FGD6: variants seen among roughly 807,000 people sequenced by gnomAD.
FGD6 encodes FYVE, RhoGEF and PH domain-containing protein 6.
FGD6 carries 90 observed loss-of-function variants against 149.4 expected under a neutral mutation model. That is an observed-to-expected ratio of 0.60 (90% CI 0.51 to 0.72). The LOEUF is 0.72. FGD6 is among the 30% of genes least tolerant of loss of function. The probability of loss-of-function intolerance (pLI) is 0.00; values close to 1 mark genes in which losing one functional copy is unlikely to be tolerated. For synonymous variants in FGD6, 527 were observed against 584.0 expected (o/e 0.90, Z 1.41); for missense variants, 1,437 against 1,684.8 (o/e 0.85, Z 2.57).
At chr12:95,104,689 C>T (rs949926892) in intron 14 of FGD6, among the ~76,000 whole-genome samples, 2 of 152,066 alleles carry the variant, frequency 1.3e-5, no homozygotes, top group Non-Finnish European at 2.9e-5. Context: ...GTGATCTGCC[C>T]AGCTCAGCCT....
rs558099155 is a variant in FGD6 at position 95,107,455 on chromosome 12, G to A, written c.3333+108C>T. The stretch of plus-strand genomic sequence containing the variant: ...GGTACGGCCAGTTCAAGAAGCTGGT[G>A]AGGCTGATATTTGAAGGTGCTAAGC... On this transcript the variant is annotated intron_variant, in intron 12 of 20. Transcript: ENST00000343958. 1.4e-5 allele frequency: 14 copies of A among 994,494 alleles called. No homozygotes were observed. In the African/African-American group the frequency reaches 1.5e-4, roughly 10 times the overall value. The allele number at this position is 994,494 out of a possible 1,614,324, so 61.6% of individuals were successfully genotyped here. A position where few individuals can be genotyped will look rare whatever the true frequency, so the allele number is the denominator to read the frequency against.
intron 8 of FGD6, among the ~76,000 whole-genome samples, chr12:95,114,865 C>G (rs1004700066): frequency 6.6e-6 from 1 of 152,070 alleles, no homozygotes; most frequent in African/African-American, 2.4e-5. Context: ...CTAAAATGGG[C>G]CCTTTGTTCT....
intron 3 of FGD6, among the ~76,000 whole-genome samples, chr12:95,153,653 C>T (rs751129228): frequency 3.3e-5 from 5 of 152,072 alleles, no homozygotes; most frequent in Non-Finnish European, 4.4e-5. Context: ...AAGGGTGAAA[C>T]TCTGTCTCAA....
chr12:95,140,614 T>C (rs566507725), intron 6 of FGD6, among the ~76,000 whole-genome samples: 2 of 151,762 alleles, frequency 1.3e-5, no homozygotes, highest in Non-Finnish European at 2.9e-5. Flanking sequence ...TGAAACTCCA[T>C]CTCAAAAGAA....
At chr12:95,164,310 C>T (rs1022471253) in intron 3 of FGD6, among the ~76,000 whole-genome samples, 2 of 149,312 alleles carry the variant, frequency 1.3e-5, no homozygotes, top group South Asian at 2.1e-4. Flanking sequence ...GGCACGATCT[C>T]GGCTCACGGC....
intron 3 of FGD6, among the ~76,000 whole-genome samples, chr12:95,158,377 G>A (rs991884908): frequency 2.2e-4 from 33 of 148,092 alleles, no homozygotes; most frequent in Admixed American, 2.0e-4. Context: ...GGGTTTCACC[G>A]TGTTAGCCAG....
chr12:95,137,495 T>C (rs1306955998), intron 7 of FGD6, 27 bp downstream of exon 7: 5 of 1,461,846 alleles, frequency 3.4e-6, no homozygotes, highest in South Asian at 1.6e-5. Flanking sequence ...GAAAGAGAAG[T>C]GTTCAACATT....
chr12:95,136,077 T>C (rs6538603), intron 7 of FGD6, among the ~76,000 whole-genome samples: 133,518 of 151,998 alleles, frequency 0.88, 59,003 homozygotes, highest in African/African-American at 0.97. Flanking sequence ...CTTTTCATTT[T>C]GGTTGGGTGA....
chr12:95,191,646 C>A (rs540224789), intron 2 of FGD6, among the ~76,000 whole-genome samples: 1 of 152,222 alleles, frequency 6.6e-6, no homozygotes, highest in Middle Eastern at 3.4e-3. Context: ...GGTTTCAGGA[C>A]CCCCCACAGA....
intron 5 of FGD6, 69 bp downstream of exon 5, chr12:95,152,742 C>T: frequency 7.0e-7 from 1 of 1,426,164 alleles, no homozygotes; most frequent in Non-Finnish European, 9.7e-7. Context: ...ATGCTGAAAA[C>T]TTCTAGGGGT....
chr12:95,170,460 A>G (rs1565914867), intron 3 of FGD6, among the ~76,000 whole-genome samples: 1 of 151,822 alleles, frequency 6.6e-6, no homozygotes, highest in Non-Finnish European at 1.5e-5. Flanking sequence ...TGGCCAACAT[A>G]GTGAAACCCC....
intron 2 of FGD6, among the ~76,000 whole-genome samples, chr12:95,183,379 G>A (rs1191299480): frequency 6.6e-6 from 1 of 152,186 alleles, no homozygotes; most frequent in African/African-American, 2.4e-5. Context: ...TTGTTCCTGA[G>A]TACAGGCCTG....
At chr12:95,094,039 A>G (rs1350782506) in intron 15 of FGD6, among the ~76,000 whole-genome samples, 2 of 143,020 alleles carry the variant, frequency 1.4e-5, no homozygotes, top group Admixed American at 1.4e-4. Flanking sequence ...CATGCCTGTA[A>G]TCCCAGCTGC....
At chr12:95,208,406 A>C (rs960001915) in intron 2 of FGD6, among the ~76,000 whole-genome samples, 7 of 152,218 alleles carry the variant, frequency 4.6e-5, no homozygotes, top group Non-Finnish European at 8.8e-5. Flanking sequence ...ACTTCTAAAA[A>C]TGTGGAGGTT....
At position 95,210,087 on chromosome 12, in the gene FGD6, A is replaced by C; in HGVS notation, c.1197T>G (p.Asn399Lys). ...TTTCATTACACATGGCTTTCTGTGA[A>C]TTGACTAAGTCCTGTGCATCACTGT... ...ESNSDAQDLVNSQKAMCNETT... is the reference protein window; with the variant it reads ...ESNSDAQDLVKSQKAMCNETT... The change falls in exon 2 of 21, where the codon AAT (asparagine) becomes AAG (lysine). Residue 399 changes from asparagine (N) to lysine (K), a missense_variant. Coordinates refer to ENST00000343958, the MANE Select transcript of FGD6 (RefSeq NM_018351.4). 3 of 1,614,160 alleles carry C rather than the reference A, an allele frequency of 1.9e-6. No individual in the cohort carries two copies. Among genetic ancestry groups the C allele is most frequent in the South Asian group, 2.2e-5 (2 of 91,056 alleles).
rs1177635017 is a variant in FGD6, at chr12:95,153,942, TGTGTGA to T, written c.2587-955_2587-950del. Among the ~76,000 whole-genome samples the T allele has an allele frequency of 8.4e-4, 111 of 131,904 alleles. 2 individuals carry two copies. The highest frequency in any genetic ancestry group is 1.1e-3 in the East Asian group (5 of 4,510). The allele number at this position is 131,904 out of a possible 152,430, so 86.5% of individuals were successfully genotyped here. On this transcript the variant is annotated intron_variant, in intron 3 of 20. Transcript: ENST00000343958. ...GTGTGTGTGTGTGTGTGTGTGTGTG[TGTGTGA>T]GTGAGAGAGAGAAGAGACAGAGAGA...
intron 1 of FGD6, among the ~76,000 whole-genome samples, chr12:95,216,562 C>G (rs2056788841): frequency 6.8e-6 from 1 of 147,258 alleles, no homozygotes; most frequent in South Asian, 2.2e-4. Context: ...GAGGCTTTGT[C>G]ATTTGGATGA....
intron 8 of FGD6, among the ~76,000 whole-genome samples, chr12:95,122,521 C>G (rs1018461396): frequency 6.6e-6 from 1 of 151,468 alleles, no homozygotes; most frequent in South Asian, 2.1e-4. Context: ...TGGCTCATGT[C>G]TGTAATTCCA....
intron 20 of FGD6, 114 bp downstream of exon 20, chr12:95,084,384 A>C: frequency 2.4e-6 from 2 of 835,822 alleles, no homozygotes; most frequent in Admixed American, 3.1e-5. Context: ...TCTAATTAAA[A>C]TCTCTGATGT....
Sources: gnomAD v4.1 joint callset for allele counts (sites outside exome capture counted in the v4.1 genomes callset) on GRCh38, gnomAD v4.1.1 for gene constraint, MANE v1.5 for transcripts, NCBI Gene and HGNC (gene_info 2026-07-23, HGNC 2026-07-21) for gene names.